KCNU1: variants seen among roughly 807,000 people sequenced by gnomAD.
The protein encoded by KCNU1 is potassium calcium-activated channel subfamily U member 1, also known as potassium channel subfamily U member 1.
A neutral mutation model predicts 126.8 loss-of-function variants in KCNU1; 93 were observed. The ratio of observed to expected loss-of-function variants is 0.73; its 90% CI spans 0.62 to 0.87. The LOEUF is 0.87. KCNU1 is among the 40% of genes least tolerant of loss of function. The pLI is 0.00. For missense variants in KCNU1, 1,330 were observed against 1,367.1 expected, an observed-to-expected ratio of 0.97 and a Z score of 0.43; for synonymous variants, 523 against 494.2, an observed-to-expected ratio of 1.06 and a Z score of -0.77.
intron 18 of KCNU1, among the ~76,000 whole-genome samples, chr8:36,852,686 A>G (rs755670786): frequency 5.9e-5 from 9 of 152,216 alleles, no homozygotes; most frequent in East Asian, 5.8e-4. Flanking sequence ...ATAAGTATAC[A>G]TGTTGTATAC....
intron 18 of KCNU1, among the ~76,000 whole-genome samples, chr8:36,864,177 C>A: frequency 6.6e-6 from 1 of 152,108 alleles, no homozygotes; most frequent in East Asian, 1.9e-4. Flanking sequence ...TGAGTAGGTA[C>A]TTATTTTAAA....
At chr8:36,869,249 G>GTA (rs1291882350) in intron 19 of KCNU1, among the ~76,000 whole-genome samples, 1 of 152,116 alleles carries the variant, frequency 6.6e-6, no homozygotes, top group Non-Finnish European at 1.5e-5. Context: ...TCCAAGCATT[G>GTA]TATAACAGAC....
intron 19 of KCNU1, among the ~76,000 whole-genome samples, chr8:36,884,001 G>A (rs971623759): frequency 6.6e-6 from 1 of 152,128 alleles, no homozygotes; most frequent in African/African-American, 2.4e-5. Context: ...GTGTGGGGTT[G>A]GGAAGACTTG....
At chr8:36,909,097 A>T (rs1483394662) in intron 20 of KCNU1, among the ~76,000 whole-genome samples, 1 of 152,244 alleles carries the variant, frequency 6.6e-6, no homozygotes, top group Non-Finnish European at 1.5e-5. Context: ...AAGAAAGTGA[A>T]ATAAAAAGAA....
intron 2 of KCNU1, among the ~76,000 whole-genome samples, chr8:36,789,435 T>C (rs995827098): frequency 1.1e-4 from 16 of 152,178 alleles, no homozygotes; most frequent in South Asian, 4.1e-4. Flanking sequence ...TTTTAAGTTC[T>C]CTTAAAATGT....
At chr8:36,887,482 C>T (rs1415274140) in intron 19 of KCNU1, among the ~76,000 whole-genome samples, 3 of 129,286 alleles carry the variant, frequency 2.3e-5, no homozygotes, top group Non-Finnish European at 3.1e-5. Flanking sequence ...AGAAATGAGA[C>T]ATTTAAATGT....
chr8:36,807,082 T>C (rs1803528494), intron 5 of KCNU1, among the ~76,000 whole-genome samples: 1 of 152,184 alleles, frequency 6.6e-6, no homozygotes, highest in African/African-American at 2.4e-5. Flanking sequence ...ATGCTTGATA[T>C]GGATGCTACA....
At chr8:36,831,120 G>A (rs1047145871) in intron 10 of KCNU1, among the ~76,000 whole-genome samples, 1 of 151,898 alleles carries the variant, frequency 6.6e-6, no homozygotes, top group Non-Finnish European at 1.5e-5. Flanking sequence ...GGTATTCCAT[G>A]GTGTATATGT....
chr8:36,840,393 A>T, intron 14 of KCNU1, 70 bp from the exon 15 acceptor site: 3 of 739,076 alleles, frequency 4.1e-6, no homozygotes, highest in Non-Finnish European at 7.2e-6. Context: ...TTAGCAGAAT[A>T]TGCAATGTGA....
intron 2 of KCNU1, among the ~76,000 whole-genome samples, chr8:36,802,587 T>C (rs1803352049): frequency 6.6e-6 from 1 of 152,098 alleles, no homozygotes; most frequent in Non-Finnish European, 1.5e-5. Context: ...AGGATAATAG[T>C]TCCAGCAGAA....
chr8:36,879,223 A>ATATATATATATATATG (rs1806384708), intron 19 of KCNU1, among the ~76,000 whole-genome samples: 5 of 142,562 alleles, frequency 3.5e-5, no homozygotes, highest in Non-Finnish European at 7.6e-5. Context: ...ATATATATAT[A>ATATATATATATATATG]TATATATATA....
Position 36,885,640 on chromosome 8 carries a change from A to G in KCNU1, c.2010-20068A>G, listed in dbSNP as rs185944708. 4.0e-3 allele frequency among the ~76,000 whole-genome samples: 606 copies of G among 152,192 alleles called. 8 individuals carry two copies. Among genetic ancestry groups the G allele is most frequent in the African/African-American group, 0.014 (585 of 41,528 alleles). On this transcript the variant is annotated intron_variant, in intron 19 of 26. Coordinates refer to ENST00000399881, the MANE Select transcript of KCNU1 (RefSeq NM_001031836.3). ...AAACCACATCTCTACTAAAAATACA[A>G]AAATTAACTGGTCATGGTGGTGGGC...
At chr8:36,857,882 G>A (rs1805586500) in intron 18 of KCNU1, among the ~76,000 whole-genome samples, 1 of 152,130 alleles carries the variant, frequency 6.6e-6, no homozygotes, top group Non-Finnish European at 1.5e-5. Context: ...CTGACCTCAG[G>A]TGAGCTACCC....
rs368559475 is a variant in KCNU1, at chr8:36,862,956, G to C, written c.1892-1448G>C. Among the ~76,000 whole-genome samples, 101 of 152,166 alleles carry C rather than the reference G, an allele frequency of 6.6e-4. 1 individual carries two copies. The highest frequency in any genetic ancestry group is 6.5e-3 in the Admixed American group (100 of 15,278). ...ATTTTACTTCGGGTGTTCCCTTCCC[G>C]AGCCATTCCCCCCAGGGCAAAATGT... On this transcript the variant is annotated intron_variant, in intron 18 of 26. Transcript: ENST00000399881.
Position 36,931,048 on chromosome 8 carries a change from A to T in KCNU1, c.2834A>T (p.Tyr945Phe). The change falls in exon 25 of 27, where the codon TAT (tyrosine) becomes TTT (phenylalanine). Residue 945 changes from tyrosine (Y) to phenylalanine (F), a missense_variant. Transcript: ENST00000399881. ...LEQHLDKDKVYGVADSCTSLL... is the reference protein window; with the variant it reads ...LEQHLDKDKVFGVADSCTSLL... ...CAACATTTAGATAAGGATAAAGTCTATGGTGTGGCAGATAGCTGCACGTCG... is the reference window on the plus strand; with the variant it reads ...CAACATTTAGATAAGGATAAAGTCTTTGGTGTGGCAGATAGCTGCACGTCG... 1 of 1,612,020 alleles carries T rather than the reference A, an allele frequency of 6.2e-7. No homozygotes were observed. Among genetic ancestry groups the T allele is most frequent in the South Asian group, 1.1e-5 (1 of 90,692 alleles).
In KCNU1 at chr8:36,936,018, A is replaced by G. The variant is rs1330756804; in HGVS notation, c.*98A>G. On this transcript the variant is annotated 3_prime_UTR_variant, in exon 27 of 27. Coordinates refer to ENST00000399881, the MANE Select transcript of KCNU1 (RefSeq NM_001031836.3). Reference sequence around the variant, plus strand: ...AAGAAAATAAGAATGGAAGCATGCCATTTTTCTGCCCATTGCTTAGTGGTT... The same window carrying G: ...AAGAAAATAAGAATGGAAGCATGCCGTTTTTCTGCCCATTGCTTAGTGGTT... The G allele has an allele frequency of 1.7e-6, 2 of 1,171,114 alleles. No homozygotes were observed. Among genetic ancestry groups the G allele is most frequent in the African/African-American group, 3.1e-5 (2 of 64,906 alleles). 72.5% of individuals were successfully genotyped at this position (1,171,114 alleles called of 1,614,324 possible). A position where few individuals can be genotyped will look rare whatever the true frequency, so the allele number is the denominator to read the frequency against.
chr8:36,935,160 T>C (rs1018735272), intron 26 of KCNU1, among the ~76,000 whole-genome samples: 1 of 152,052 alleles, frequency 6.6e-6, no homozygotes, highest in Non-Finnish European at 1.5e-5. Flanking sequence ...GTAAGGCCAT[T>C]AGACATCAAC....
At chr8:36,894,942 C>T (rs1807125720) in intron 19 of KCNU1, among the ~76,000 whole-genome samples, 1 of 152,118 alleles carries the variant, frequency 6.6e-6, no homozygotes, top group Non-Finnish European at 1.5e-5. Context: ...GTTATTGAAC[C>T]AGAAGTGTCA....
intron 21 of KCNU1, among the ~76,000 whole-genome samples, chr8:36,909,753 C>T (rs1353154792): frequency 6.6e-6 from 1 of 152,094 alleles, no homozygotes; most frequent in Non-Finnish European, 1.5e-5. Context: ...AGTAACTTGA[C>T]CAAGATTGTA....
Sources: allele counts gnomAD v4.1 joint callset (sites outside exome capture counted in the v4.1 genomes callset), GRCh38; gene constraint gnomAD v4.1.1; transcripts MANE v1.5; gene names NCBI Gene and HGNC (gene_info 2026-07-23, HGNC 2026-07-21).